TULP4: variants seen among roughly 807,000 people sequenced by gnomAD.
TULP4 encodes tubby-related protein 4.
In TULP4, 16 loss-of-function variants were observed where a neutral mutation model predicts 129.0. The ratio of observed to expected loss-of-function variants is 0.12; its 90% CI spans 0.08 to 0.19. The LOEUF is 0.19. Among genes scored for constraint, TULP4 ranks in the 10% least tolerant of loss-of-function variants. The pLI, the probability that TULP4 is intolerant of heterozygous loss-of-function variation, is 1.00. For missense variants in TULP4, 1,842 were observed against 2,059.1 expected (o/e 0.89, Z 2.04); for synonymous variants, 998 against 854.0 (o/e 1.17, Z -2.94).
chr6:158,349,485 G>C (rs1459727241), intron 1 of TULP4, among the ~76,000 whole-genome samples: 1 of 140,840 alleles, frequency 7.1e-6, no homozygotes, highest in Non-Finnish European at 1.6e-5. Context: ...TGGGTTGGCA[G>C]CTGGGCAGAG....
chr6:158,501,171 A>G (rs936481323), intron 12 of TULP4, among the ~76,000 whole-genome samples: 6 of 152,132 alleles, frequency 3.9e-5, no homozygotes, highest in South Asian at 4.2e-4. Context: ...ACATGGTTCT[A>G]TTTACAGAAA....
At chr6:158,462,937 A>G (rs760749267) in intron 6 of TULP4, among the ~76,000 whole-genome samples, 4 of 151,504 alleles carry the variant, frequency 2.6e-5, no homozygotes, top group Admixed American at 2.6e-4. Flanking sequence ...TTTTTTTAGT[A>G]GAGACGGGTT....
At chr6:158,312,018 T>C, upstream of TULP4, 1 of 382,352 alleles carries the variant, frequency 2.6e-6, no homozygotes, top group Non-Finnish European at 4.5e-6. Context: ...TTTAAAGTTT[T>C]TAAATTTTAT....
At chr6:158,390,380 GAA>G (rs1269863299) in intron 1 of TULP4, among the ~76,000 whole-genome samples, 1 of 150,508 alleles carries the variant, frequency 6.6e-6, no homozygotes, top group African/African-American at 2.4e-5. Flanking sequence ...AAAAAAAAAA[GAA>G]AAAGAGTGTT....
intron 3 of TULP4, among the ~76,000 whole-genome samples, chr6:158,445,149 T>C (rs1779006333): frequency 6.6e-6 from 1 of 152,114 alleles, no homozygotes; most frequent in African/African-American, 2.4e-5. Flanking sequence ...AGTGAGTATA[T>C]ACAAGGCTGC....
At chr6:158,336,188 T>C (rs1201170660) in intron 1 of TULP4, among the ~76,000 whole-genome samples, 1 of 152,212 alleles carries the variant, frequency 6.6e-6, no homozygotes, top group African/African-American at 2.4e-5. Flanking sequence ...CTATTATGAG[T>C]AAGGTTGAAC....
intron 1 of TULP4, among the ~76,000 whole-genome samples, chr6:158,350,239 C>T: frequency 7.1e-6 from 1 of 140,134 alleles, no homozygotes; most frequent in Non-Finnish European, 1.6e-5. Context: ...CTTCACTTCC[C>T]AGACGGGGCG....
chr6:158,239,965 C>T (rs1583665344), intron 1 of TULP4, among the ~76,000 whole-genome samples: 10 of 97,120 alleles, frequency 1.0e-4, no homozygotes, highest in African/African-American at 2.3e-4. Flanking sequence ...ACCTCCCTCC[C>T]GGACGGGGCG....
rs1583885826 is a variant in TULP4, at chr6:158,446,877, T to C, written c.544-2119T>C. Among the ~76,000 whole-genome samples, 4 of 152,330 alleles carry C rather than the reference T, an allele frequency of 2.6e-5. No individual in the cohort carries two copies. In the South Asian group the frequency reaches 8.3e-4, roughly 32 times the overall value. On this transcript the variant is annotated intron_variant, in intron 3 of 13. Transcript: ENST00000367097. ...TCTCATACTCTTCTTATATGGGCGC[T>C]AATCCTATCGTGGGCGCCCCACCCT...
chr6:158,322,965 A>C (rs9347231), intron 1 of TULP4, among the ~76,000 whole-genome samples: 23,013 of 152,220 alleles, frequency 0.15, 2,460 homozygotes, highest in East Asian at 0.43. Flanking sequence ...CTTAGGATTT[A>C]GCACGTTTAG....
At chr6:158,335,959 G>A (rs556664020) in intron 1 of TULP4, among the ~76,000 whole-genome samples, 1 of 152,338 alleles carries the variant, frequency 6.6e-6, no homozygotes, top group Admixed American at 6.5e-5. Context: ...ATTCTTAGAA[G>A]TGAAATCGCT....
At chr6:158,429,020 T>G (rs1003643850) in intron 2 of TULP4, among the ~76,000 whole-genome samples, 3 of 152,200 alleles carry the variant, frequency 2.0e-5, no homozygotes, top group Admixed American at 2.0e-4. Context: ...CCTTGTTCTG[T>G]CACCCAGGCT....
intron 8 of TULP4, among the ~76,000 whole-genome samples, chr6:158,486,505 A>G (rs1780073320): frequency 6.6e-6 from 1 of 152,092 alleles, no homozygotes; most frequent in South Asian, 2.1e-4. Flanking sequence ...GTGAGCCGAG[A>G]TCGCGCCACT....
At chr6:158,311,192 C>T (rs955721821), upstream of TULP4, among the ~76,000 whole-genome samples, 11 of 152,214 alleles carry the variant, frequency 7.2e-5, no homozygotes, top group African/African-American at 2.2e-4. Flanking sequence ...TGCCCAGCAG[C>T]ATTAGCATCT....
At chr6:158,351,809 C>T (rs1459048217) in intron 1 of TULP4, among the ~76,000 whole-genome samples, 1 of 144,670 alleles carries the variant, frequency 6.9e-6, no homozygotes, top group African/African-American at 2.5e-5. Context: ...GCCTCCACCA[C>T]ATCCTGGGTT....
intron 1 of TULP4, among the ~76,000 whole-genome samples, chr6:158,328,118 G>GTGTGTGTGTGTT (rs1779789164): frequency 1.2e-5 from 1 of 80,042 alleles, no homozygotes; most frequent in Non-Finnish European, 3.1e-5. Flanking sequence ...GTGTGTGTGT[G>GTGTGTGTGTGTT]TGTGTGTGTG....
upstream of TULP4, chr6:158,312,120 C>A (rs933172899): frequency 1.3e-5 from 5 of 397,808 alleles, no homozygotes; most frequent in South Asian, 6.4e-4. Context: ...GGGAAGCAGA[C>A]GCTTCGTATG....
At chr6:158,460,335 C>T (rs1287376317) in intron 5 of TULP4, among the ~76,000 whole-genome samples, 1 of 152,162 alleles carries the variant, frequency 6.6e-6, no homozygotes, top group Non-Finnish European at 1.5e-5. Flanking sequence ...AATATGTGCC[C>T]ATCAGGGCAG....
chr6:158,284,432 G>C (rs1254723032), intron 1 of TULP4, among the ~76,000 whole-genome samples: 1 of 152,224 alleles, frequency 6.6e-6, no homozygotes, highest in East Asian at 1.9e-4. Context: ...CAAGAAGAAT[G>C]CTACCCTCTA....
Sources: gnomAD v4.1 joint callset for allele counts (sites outside exome capture counted in the v4.1 genomes callset) on GRCh38, gnomAD v4.1.1 for gene constraint, MANE v1.5 for transcripts, NCBI Gene and HGNC (gene_info 2026-07-23, HGNC 2026-07-21) for gene names.